CELF4: variants seen among roughly 807,000 people sequenced by gnomAD.
CELF4 encodes the protein CUG-BP- and ETR-3-like factor 4.
CELF4 carries 18 observed loss-of-function variants against 59.9 expected under a neutral mutation model. That is an observed-to-expected ratio of 0.30 (90% confidence interval 0.21 to 0.45). CELF4 has a LOEUF of 0.45. Ranked by LOEUF, CELF4 falls within the 20% of genes least tolerant of loss-of-function variation. CELF4 has a pLI of 1.00. For missense variants in CELF4, 456 were observed against 689.0 expected, an observed-to-expected ratio of 0.66 and a Z score of 3.79; for synonymous variants, 261 against 267.1, an observed-to-expected ratio of 0.98 and a Z score of 0.22.
intron 3 of CELF4, among the ~76,000 whole-genome samples, chr18:37,316,589 C>T (rs758376263): frequency 2.0e-5 from 3 of 152,078 alleles, no homozygotes; most frequent in Non-Finnish European, 2.9e-5. Context: ...GCCTTGTGTT[C>T]GAGGCCCCAT....
At chr18:37,292,013 G>A (rs1231183028) in intron 3 of CELF4, among the ~76,000 whole-genome samples, 1 of 143,872 alleles carries the variant, frequency 7.0e-6, no homozygotes, top group African/African-American at 2.7e-5. Flanking sequence ...CAGAGCCCTG[G>A]TGAATGAGAT....
At chr18:37,282,314 C>G (rs2094244117) in intron 3 of CELF4, among the ~76,000 whole-genome samples, 1 of 152,156 alleles carries the variant, frequency 6.6e-6, no homozygotes, top group Admixed American at 6.5e-5. Flanking sequence ...TTGAGAACCA[C>G]TGAGATGCTC....
At chr18:37,428,636 A>G (rs2099629064) in intron 2 of CELF4, among the ~76,000 whole-genome samples, 1 of 152,174 alleles carries the variant, frequency 6.6e-6, no homozygotes, top group Non-Finnish European at 1.5e-5. Flanking sequence ...GGATCATCGA[A>G]TTCCCTTTTA....
chr18:37,400,326 A>T lies in CELF4; in HGVS notation c.370-78445T>A, dbSNP rs200254609. Among the ~76,000 whole-genome samples the T allele has an allele frequency of 6.3e-3, 574 of 91,624 alleles. 4 individuals carry two copies. The highest frequency in any genetic ancestry group is 0.01 in the Non-Finnish European group (440 of 43,190). 60.1% of individuals were successfully genotyped at this position (91,624 alleles called of 152,430 possible). A position where few individuals can be genotyped will look rare whatever the true frequency, so the allele number is the denominator to read the frequency against. On this transcript the variant is annotated intron_variant, in intron 2 of 12. Coordinates refer to ENST00000420428, the MANE Select transcript of CELF4 (RefSeq NM_020180.4). ...CCTTTATATATGTGTGTATATATGTATATGTGTGTGTATGTATATATATGT... is the reference window on the plus strand; with the variant it reads ...CCTTTATATATGTGTGTATATATGTTTATGTGTGTGTATGTATATATATGT...
intron 2 of CELF4, among the ~76,000 whole-genome samples, chr18:37,404,995 C>A (rs1459671665): frequency 4.6e-5 from 7 of 151,912 alleles, no homozygotes; most frequent in Non-Finnish European, 1.0e-4. Flanking sequence ...CAAAACAAAA[C>A]AAAAAAAAGT....
At chr18:37,368,301 T>C (rs947714991) in intron 2 of CELF4, among the ~76,000 whole-genome samples, 1 of 152,126 alleles carries the variant, frequency 6.6e-6, no homozygotes, top group African/African-American at 2.4e-5. Context: ...AGCCCCATCC[T>C]TCCCTCCTCC....
At chr18:37,353,770 T>C (rs556535770) in intron 2 of CELF4, among the ~76,000 whole-genome samples, 2,120 of 142,744 alleles carry the variant, frequency 0.015, 73 homozygotes, top group African/African-American at 0.052. Flanking sequence ...GTTCTTTCTT[T>C]TTTTTTTTTT....
intron 3 of CELF4, among the ~76,000 whole-genome samples, chr18:37,296,062 T>C (rs914141534): frequency 2.0e-5 from 3 of 152,216 alleles, no homozygotes; most frequent in Admixed American, 6.5e-5. Flanking sequence ...CCTTTCTCCT[T>C]GTCCCCCACA....
intron 3 of CELF4, among the ~76,000 whole-genome samples, chr18:37,308,608 G>T (rs181906504): frequency 6.6e-5 from 10 of 152,308 alleles, no homozygotes; most frequent in African/African-American, 2.4e-4. Flanking sequence ...GTATCTGTCT[G>T]TCATCGCCCA....
At chr18:37,351,170 G>A (rs117373930) in intron 2 of CELF4, among the ~76,000 whole-genome samples, 184 of 152,280 alleles carry the variant, frequency 1.2e-3, no homozygotes, top group Non-Finnish European at 1.7e-3. Context: ...CTTGACAGCC[G>A]GAGATCCTGG....
intron 2 of CELF4, among the ~76,000 whole-genome samples, chr18:37,449,719 A>C (rs1452624225): frequency 1.3e-5 from 2 of 152,216 alleles, no homozygotes; most frequent in African/African-American, 4.8e-5. Context: ...GTGACATTTG[A>C]AAAGAAACTG....
At chr18:37,393,639 G>A (rs1259007302) in intron 2 of CELF4, among the ~76,000 whole-genome samples, 2 of 152,172 alleles carry the variant, frequency 1.3e-5, no homozygotes, top group African/African-American at 2.4e-5. Flanking sequence ...GAGGAGGTGT[G>A]GGCTACACTG....
At chr18:37,518,129 T>C (rs2099952978) in intron 1 of CELF4, among the ~76,000 whole-genome samples, 1 of 152,102 alleles carries the variant, frequency 6.6e-6, no homozygotes, top group African/African-American at 2.4e-5. Context: ...TGAGATACAG[T>C]GCTGGTCACT....
chr18:37,516,576 T>C (rs779799894), intron 1 of CELF4, among the ~76,000 whole-genome samples: 6 of 152,236 alleles, frequency 3.9e-5, no homozygotes, highest in Non-Finnish European at 7.3e-5. Flanking sequence ...AGGAATTAAC[T>C]ACTGTGGACC....
chr18:37,477,086 CCA>C (rs2099851936), intron 2 of CELF4, among the ~76,000 whole-genome samples: 2 of 152,228 alleles, frequency 1.3e-5, no homozygotes, highest in Non-Finnish European at 2.9e-5. Context: ...TCTGGAAATG[CCA>C]AGGCCAGCAA....
chr18:37,251,381 C>T (rs1412623125), intron 12 of CELF4, among the ~76,000 whole-genome samples: 1 of 152,218 alleles, frequency 6.6e-6, no homozygotes, highest in Non-Finnish European at 1.5e-5. Context: ...GTGGGCACTT[C>T]TGACCTTATA....
At chr18:37,259,781 G>C (rs1208540253) in intron 10 of CELF4, among the ~76,000 whole-genome samples, 1 of 152,164 alleles carries the variant, frequency 6.6e-6, no homozygotes, top group South Asian at 2.1e-4. Context: ...CCCCTGGCCT[G>C]CAGCCTCTCT....
Position 37,353,805 on chromosome 18 carries a change from A to G in CELF4, c.370-31924T>C, listed in dbSNP as rs576327782. Among the ~76,000 whole-genome samples, 30 of 141,888 alleles carry G rather than the reference A, an allele frequency of 2.1e-4. 1 individual carries two copies. The East Asian group carries it at 2.7e-3, about 13-fold the overall frequency. 93.1% of individuals were successfully genotyped at this position (141,888 alleles called of 152,430 possible). A position where few individuals can be genotyped will look rare whatever the true frequency, so the allele number is the denominator to read the frequency against. On this transcript the variant is annotated intron_variant, in intron 2 of 12. Coordinates refer to ENST00000420428, the MANE Select transcript of CELF4 (RefSeq NM_020180.4). ...TTTTTGAGATGGAGTCACCCAGGCT[A>G]GAGTGCAGTGGCGTGATCTCGGCTC...
intron 2 of CELF4, among the ~76,000 whole-genome samples, chr18:37,332,824 C>G (rs540899073): frequency 1.3e-5 from 2 of 152,332 alleles, no homozygotes; most frequent in African/African-American, 4.8e-5. Context: ...GCTGACGTGC[C>G]CCCACCTCTC....
Sources: allele counts gnomAD v4.1 joint callset (sites outside exome capture counted in the v4.1 genomes callset), GRCh38; gene constraint gnomAD v4.1.1; transcripts MANE v1.5; gene names NCBI Gene and HGNC (gene_info 2026-07-23, HGNC 2026-07-21).